The following INAFM2 variants were observed in gnomAD, a reference collection of about 807,000 sequenced individuals.
The protein encoded by INAFM2 is putative transmembrane protein INAFM2.
In INAFM2, 3 loss-of-function variants were observed where a neutral mutation model predicts 5.6. That is an observed-to-expected ratio of 0.54 (90% CI 0.24 to 1.39). The LOEUF (loss-of-function observed/expected upper bound fraction) is 1.39. Ranked by LOEUF, INAFM2 falls within the 40% of genes most tolerant of loss-of-function variation. The pLI is 0.16. For missense variants in INAFM2, 186 were observed against 217.5 expected, an observed-to-expected ratio of 0.86 and a Z score of 0.91; for synonymous variants, 113 against 109.1, an observed-to-expected ratio of 1.04 and a Z score of -0.22.
chr15:40,324,407 C>T lies in INAFM2; in HGVS notation c.352C>T (p.Pro118Ser), dbSNP rs1366253736. ...RDVPPLQAARPAPPEPPADSP... is the reference protein window; with the variant it reads ...RDVPPLQAARSAPPEPPADSP... Reference sequence around the variant, plus strand: ...CGTTCCCCCACTGCAGGCGGCGCGACCGGCGCCTCCGGAGCCCCCTGCGGA... The same window carrying T: ...CGTTCCCCCACTGCAGGCGGCGCGATCGGCGCCTCCGGAGCCCCCTGCGGA... Residue 118 changes from proline to serine, a missense_variant, in exon 1 of 1, where the codon CCG (proline) becomes TCG (serine). This residue lies in a region of INAFM2 where 148 missense variants were observed against 140.2 expected (regional missense o/e 1.06). Coordinates refer to ENST00000638170, the MANE Select transcript of INAFM2 (RefSeq NM_001301268.2). 1.5e-5 allele frequency: 18 copies of T among 1,222,814 alleles called. No individual in the cohort carries two copies. The highest frequency in any genetic ancestry group is 1.8e-5 in the Non-Finnish European group (18 of 982,142). 75.7% of individuals were successfully genotyped at this position (1,222,814 alleles called of 1,614,324 possible).
chr15:40,324,284 C>T lies in INAFM2; in HGVS notation c.229C>T (p.Pro77Ser). The change falls in exon 1 of 1, where the codon CCC becomes TCC. Residue 77 changes from proline (P) to serine (S), a missense_variant. Pro to Ser is a moderately conservative substitution (Grantham distance 74, BLOSUM62 -1). This residue lies in a region of INAFM2 where 148 missense variants were observed against 140.2 expected (regional missense o/e 1.06). Coordinates refer to ENST00000638170, the MANE Select transcript of INAFM2 (RefSeq NM_001301268.2). ...GTSGGAAGPP[P>S]GGSNATGPSG... ...CTCGGGGGGAGCCGCTGGCCCGCCCCCCGGCGGCTCCAACGCCACTGGCCC... is the reference window on the plus strand; with the variant it reads ...CTCGGGGGGAGCCGCTGGCCCGCCCTCCGGCGGCTCCAACGCCACTGGCCC... The T allele has an allele frequency of 8.1e-7, 1 of 1,228,678 alleles. No homozygotes were observed. The highest frequency in any genetic ancestry group is 1.0e-6 in the Non-Finnish European group (1 of 986,184). 76.1% of individuals were successfully genotyped at this position (1,228,678 alleles called of 1,614,324 possible). A position where few individuals can be genotyped will look rare whatever the true frequency, so the allele number is the denominator to read the frequency against.
Position 40,323,829 on chromosome 15 carries a change from C to T in INAFM2, c.-227C>T. ...GTGGCGGCGGCGGGGAAGCAGCTGACGGGCCGGCGGCGGCGGCGGCGCTGG... is the reference window on the plus strand; with the variant it reads ...GTGGCGGCGGCGGGGAAGCAGCTGATGGGCCGGCGGCGGCGGCGGCGCTGG... On this transcript the variant is annotated 5_prime_UTR_variant, in exon 1 of 1. The change creates a new upstream start codon in the 5' untranslated region. Transcript: ENST00000638170. The surrounding 1 kb of genome is among the most constrained non-coding windows in gnomAD (Gnocchi z 5.6). 1 of 149,440 alleles carries T rather than the reference C, an allele frequency of 6.7e-6. No individual in the cohort carries two copies. Among genetic ancestry groups the T allele is most frequent in the Non-Finnish European group, 1.5e-5 (1 of 68,116 alleles). The allele number at this position is 149,440 out of a possible 1,614,324, so 9.3% of individuals were successfully genotyped here.
At position 40,326,238 on chromosome 15, in the gene INAFM2, T is replaced by C. The variant is rs918014276; in HGVS notation, c.*1721T>C. ...TAGCAGCTGACTAGGACTTCAGTCATTGGGAAGCCTATGAGGCCTTTACAT... is the reference window on the plus strand; with the variant it reads ...TAGCAGCTGACTAGGACTTCAGTCACTGGGAAGCCTATGAGGCCTTTACAT... On this transcript the variant is annotated 3_prime_UTR_variant, in exon 1 of 1. Coordinates refer to ENST00000638170, the MANE Select transcript of INAFM2 (RefSeq NM_001301268.2). The C allele has an allele frequency of 2.6e-5, 4 of 152,238 alleles. No homozygotes were observed. The highest frequency in any genetic ancestry group is 9.6e-5 in the African/African-American group (4 of 41,456). 9.4% of individuals were successfully genotyped at this position (152,238 alleles called of 1,614,324 possible). A position where few individuals can be genotyped will look rare whatever the true frequency, so the allele number is the denominator to read the frequency against.
rs1179051835 is a variant in INAFM2, at chr15:40,323,735, CGCGCGGCGGCGTGGCGGCGGATG to C, written c.-319_-297del. 6.8e-6 allele frequency: 1 copy of C among 146,726 alleles called. No homozygotes were observed. Among genetic ancestry groups the C allele is most frequent in the African/African-American group, 2.5e-5 (1 of 40,748 alleles). 9.1% of individuals were successfully genotyped at this position (146,726 alleles called of 1,614,324 possible). On this transcript the variant is annotated 5_prime_UTR_variant, in exon 1 of 1. It removes an upstream start codon present in the reference 5' UTR. Transcript: ENST00000638170. This position sits in a 1 kb window ranked among gnomAD's most constrained non-coding sequence, Gnocchi z 5.6. ...GGCGGCCGGGCAGGCGGCGGCGGAG[CGCGCGGCGGCGTGGCGGCGGATG>C]GGGACGCGGAGCCGGGCGGCTGTGG...
Position 40,324,027 on chromosome 15 carries a change from A to T in INAFM2, c.-29A>T. 1 of 1,211,928 alleles carries T rather than the reference A, an allele frequency of 8.3e-7. No homozygotes were observed. The highest frequency in any genetic ancestry group is 1.0e-6 in the Non-Finnish European group (1 of 971,740). The allele number at this position is 1,211,928 out of a possible 1,614,324, so 75.1% of individuals were successfully genotyped here. A position where few individuals can be genotyped will look rare whatever the true frequency, so the allele number is the denominator to read the frequency against. On this transcript the variant is annotated 5_prime_UTR_variant, in exon 1 of 1. Coordinates refer to ENST00000638170, the MANE Select transcript of INAFM2 (RefSeq NM_001301268.2). ...AGGCCCCCTCCAGCCGGGGCCGTGG[A>T]GCACCGGGGCAAAGGCCGGGGCCCC...
rs2141241296 is a variant in INAFM2, at chr15:40,325,933, G to A, written c.*1416G>A. ...CTGCCATTTGCTTTTAGGCAATTGA[G>A]TGTGGGTAGTGATGAGATATCAAAT... On this transcript the variant is annotated 3_prime_UTR_variant, in exon 1 of 1. Coordinates refer to ENST00000638170, the MANE Select transcript of INAFM2 (RefSeq NM_001301268.2). 1 of 152,324 alleles carries A rather than the reference G, an allele frequency of 6.6e-6. No homozygotes were observed. Among genetic ancestry groups the A allele is most frequent in the South Asian group, 2.1e-4 (1 of 4,832 alleles). 9.4% of individuals were successfully genotyped at this position (152,324 alleles called of 1,614,324 possible).
At position 40,324,266 on chromosome 15, in the gene INAFM2, G is replaced by C; in HGVS notation, c.211G>C (p.Gly71Arg). Residue 71 changes from glycine (G) to arginine (R), a missense_variant, in exon 1 of 1, where the codon GGA becomes CGA. Around this residue, in one of 2 missense-constraint regions of INAFM2, gnomAD observed 148 missense variants for 140.2 expected, o/e 1.06. Transcript: ENST00000638170. ...GCCGGTGGGCGCCGGGACCTCGGGG[G>C]GAGCCGCTGGCCCGCCCCCCGGCGG... ...WQPVGAGTSG[G>R]AAGPPPGGSN... is the part of the protein sequence containing the mutation. 1 of 1,229,076 alleles carries C rather than the reference G, an allele frequency of 8.1e-7. No individual in the cohort carries two copies. The highest frequency in any genetic ancestry group is 3.2e-5 in the East Asian group (1 of 31,540). The allele number at this position is 1,229,076 out of a possible 1,614,324, so 76.1% of individuals were successfully genotyped here.
At position 40,324,256 on chromosome 15, in the gene INAFM2, G is replaced by C. The variant is rs1595707756; in HGVS notation, c.201G>C (p.Gly67=). 1.3e-5 allele frequency: 16 copies of C among 1,229,558 alleles called. No individual in the cohort carries two copies. Among genetic ancestry groups the C allele is most frequent in the Non-Finnish European group, 1.5e-5 (15 of 986,696 alleles). The allele number at this position is 1,229,558 out of a possible 1,614,324, so 76.2% of individuals were successfully genotyped here. Residue 67 remains glycine, a synonymous_variant, in exon 1 of 1, where the codon GGG becomes GGC. Coordinates refer to ENST00000638170, the MANE Select transcript of INAFM2 (RefSeq NM_001301268.2). ...TCATCTGGCAGCCGGTGGGCGCCGG[G>C]ACCTCGGGGGGAGCCGCTGGCCCGC... The part of the protein sequence containing the change: ...YSLIWQPVGA[G]TSGGAAGPPP...
At position 40,324,267 on chromosome 15, in the gene INAFM2, G is replaced by C. The variant is rs1340398090; in HGVS notation, c.212G>C (p.Gly71Ala). 7.3e-6 allele frequency: 9 copies of C among 1,228,332 alleles called. No individual in the cohort carries two copies. Among genetic ancestry groups the C allele is most frequent in the Non-Finnish European group, 9.1e-6 (9 of 986,236 alleles). The allele number at this position is 1,228,332 out of a possible 1,614,324, so 76.1% of individuals were successfully genotyped here. A position where few individuals can be genotyped will look rare whatever the true frequency, so the allele number is the denominator to read the frequency against. The change falls in exon 1 of 1, where the codon GGA becomes GCA. Residue 71 changes from glycine to alanine, a missense_variant. Coordinates refer to ENST00000638170, the MANE Select transcript of INAFM2 (RefSeq NM_001301268.2). The stretch of plus-strand genomic sequence containing the variant: ...CCGGTGGGCGCCGGGACCTCGGGGG[G>C]AGCCGCTGGCCCGCCCCCCGGCGGC... The part of the protein sequence containing the change: ...WQPVGAGTSG[G>A]AAGPPPGGSN...
rs1888767027 is a variant in INAFM2, at chr15:40,325,077, C to A, written c.*560C>A. 6.6e-6 allele frequency: 1 copy of A among 152,210 alleles called. No individual in the cohort carries two copies. Among genetic ancestry groups the A allele is most frequent in the African/African-American group, 2.4e-5 (1 of 41,436 alleles). The allele number at this position is 152,210 out of a possible 1,614,324, so 9.4% of individuals were successfully genotyped here. A position where few individuals can be genotyped will look rare whatever the true frequency, so the allele number is the denominator to read the frequency against. On this transcript the variant is annotated 3_prime_UTR_variant, in exon 1 of 1. Coordinates refer to ENST00000638170, the MANE Select transcript of INAFM2 (RefSeq NM_001301268.2). ...AGAATTCTATGTATATCCTCCCACA[C>A]CCTGGGTAGCTACTGACTGAAGGGG...
At position 40,324,827 on chromosome 15, in the gene INAFM2, G is replaced by A. The variant is rs1291315567; in HGVS notation, c.*310G>A. On this transcript the variant is annotated 3_prime_UTR_variant, in exon 1 of 1. Coordinates refer to ENST00000638170, the MANE Select transcript of INAFM2 (RefSeq NM_001301268.2). ...CAAACCCTTCTGCGCCGCTCGCTCT[G>A]GTGTATCCTACATGCAGGGGTGACT... 2.4e-5 allele frequency: 6 copies of A among 250,426 alleles called. No homozygotes were observed. The highest frequency in any genetic ancestry group is 4.5e-5 in the Non-Finnish European group (6 of 132,386). The allele number at this position is 250,426 out of a possible 1,614,324, so 15.5% of individuals were successfully genotyped here. A position where few individuals can be genotyped will look rare whatever the true frequency, so the allele number is the denominator to read the frequency against.
chr15:40,325,540 A>G lies in INAFM2; in HGVS notation c.*1023A>G, dbSNP rs940711549. 6 of 151,926 alleles carry G rather than the reference A, an allele frequency of 3.9e-5. No homozygotes were observed. The highest frequency in any genetic ancestry group is 1.5e-4 in the African/African-American group (6 of 41,334). 9.4% of individuals were successfully genotyped at this position (151,926 alleles called of 1,614,324 possible). ...CTTTTTTTTTTTCCTGCTCCTCAAA[A>G]TGTTGTCTTGTTCCGGCAATCACTT... is the stretch of plus-strand genomic sequence containing the variant. On this transcript the variant is annotated 3_prime_UTR_variant, in exon 1 of 1. Coordinates refer to ENST00000638170, the MANE Select transcript of INAFM2 (RefSeq NM_001301268.2).
rs1357187080 is a variant in INAFM2, at chr15:40,325,718, G to A, written c.*1201G>A. 1 of 152,206 alleles carries A rather than the reference G, an allele frequency of 6.6e-6. No homozygotes were observed. Among genetic ancestry groups the A allele is most frequent in the East Asian group, 1.9e-4 (1 of 5,204 alleles). 9.4% of individuals were successfully genotyped at this position (152,206 alleles called of 1,614,324 possible). A position where few individuals can be genotyped will look rare whatever the true frequency, so the allele number is the denominator to read the frequency against. Reference sequence around the variant, plus strand: ...GAAGGTGGGCTTCACACTCAGGATTGTGCTTTGAGAACCAGCTAATAGACC... The same window carrying A: ...GAAGGTGGGCTTCACACTCAGGATTATGCTTTGAGAACCAGCTAATAGACC... On this transcript the variant is annotated 3_prime_UTR_variant, in exon 1 of 1. Coordinates refer to ENST00000638170, the MANE Select transcript of INAFM2 (RefSeq NM_001301268.2).
In INAFM2 at chr15:40,323,722, G is replaced by A. The variant is rs1357275043; in HGVS notation, c.-334G>A. 2.0e-5 allele frequency: 3 copies of A among 148,164 alleles called. No individual in the cohort carries two copies. The highest frequency in any genetic ancestry group is 1.3e-4 in the Admixed American group (2 of 14,826). 9.2% of individuals were successfully genotyped at this position (148,164 alleles called of 1,614,324 possible). On this transcript the variant is annotated 5_prime_UTR_variant, in exon 1 of 1. Transcript: ENST00000638170. This position sits in a 1 kb window ranked among gnomAD's most constrained non-coding sequence, Gnocchi z 5.6. ...AGACCAGGCGGCCGGCGGCCGGGCAGGCGGCGGCGGAGCGCGCGGCGGCGT... is the reference window on the plus strand; with the variant it reads ...AGACCAGGCGGCCGGCGGCCGGGCAAGCGGCGGCGGAGCGCGCGGCGGCGT...
Position 40,324,357 on chromosome 15 carries a change from C to A in INAFM2, c.302C>A (p.Ser101Ter), listed in dbSNP as rs1158591187. 3 of 1,223,724 alleles carry A rather than the reference C, an allele frequency of 2.5e-6. No homozygotes were observed. Among genetic ancestry groups the A allele is most frequent in the Admixed American group, 8.6e-5 (2 of 23,376 alleles). 75.8% of individuals were successfully genotyped at this position (1,223,724 alleles called of 1,614,324 possible). A position where few individuals can be genotyped will look rare whatever the true frequency, so the allele number is the denominator to read the frequency against. Residue 101 changes from serine (S) to a stop codon, truncating the protein, a stop_gained, in exon 1 of 1, where the codon TCG (serine) becomes TAG (stop). Transcript: ENST00000638170. LOFTEE classifies it high-confidence loss of function. ...AAAAGPNTTG[S>*]SRREAPRDVP... ...GCGGCGGGGCCCAACACCACTGGGT[C>A]GTCCCGCCGCGAGGCGCCGCGCGAC...
rs571475341 is a variant in INAFM2 at position 40,324,261 on chromosome 15, C to T, written c.206C>T (p.Ser69Leu). The T allele has an allele frequency of 2.0e-4, 242 of 1,228,908 alleles. 2 individuals carry two copies. The African/African-American group carries it at 3.6e-3, about 18-fold the overall frequency. The allele number at this position is 1,228,908 out of a possible 1,614,324, so 76.1% of individuals were successfully genotyped here. A position where few individuals can be genotyped will look rare whatever the true frequency, so the allele number is the denominator to read the frequency against. Residue 69 changes from serine to leucine, a missense_variant, in exon 1 of 1, where the codon TCG becomes TTG. This residue lies in a region of INAFM2 where 148 missense variants were observed against 140.2 expected (regional missense o/e 1.06). Transcript: ENST00000638170. ...TGGCAGCCGGTGGGCGCCGGGACCT[C>T]GGGGGGAGCCGCTGGCCCGCCCCCC... ...LIWQPVGAGT[S>L]GGAAGPPPGG...
rs1024041428 is a variant in INAFM2 at position 40,325,091 on chromosome 15, T to A, written c.*574T>A. The stretch of plus-strand genomic sequence containing the variant: ...ATCCTCCCACACCCTGGGTAGCTAC[T>A]GACTGAAGGGGTCAAGCAAGGGCTA... On this transcript the variant is annotated 3_prime_UTR_variant, in exon 1 of 1. Transcript: ENST00000638170. The A allele has an allele frequency of 1.3e-5, 2 of 152,252 alleles. No individual in the cohort carries two copies. Among genetic ancestry groups the A allele is most frequent in the African/African-American group, 4.8e-5 (2 of 41,456 alleles). 9.4% of individuals were successfully genotyped at this position (152,252 alleles called of 1,614,324 possible).
In INAFM2 at chr15:40,326,552, C is replaced by T. The variant is rs143328798; in HGVS notation, c.*2035C>T. The stretch of plus-strand genomic sequence containing the variant: ...TGGCCTCCTGACTCTCCAAAGCCTT[C>T]ACTGGAATTGGGACATTTGCTCCAG... On this transcript the variant is annotated 3_prime_UTR_variant, in exon 1 of 1. Transcript: ENST00000638170. 176 of 152,334 alleles carry T rather than the reference C, an allele frequency of 1.2e-3. No homozygotes were observed. Among genetic ancestry groups the T allele is most frequent in the African/African-American group, 4.1e-3 (172 of 41,572 alleles). 9.4% of individuals were successfully genotyped at this position (152,334 alleles called of 1,614,324 possible).
chr15:40,325,547 C>G lies in INAFM2; in HGVS notation c.*1030C>G, dbSNP rs1404710168. 6.6e-6 allele frequency: 1 copy of G among 151,726 alleles called. No individual in the cohort carries two copies. The highest frequency in any genetic ancestry group is 2.4e-5 in the African/African-American group (1 of 41,212). 9.4% of individuals were successfully genotyped at this position (151,726 alleles called of 1,614,324 possible). ...TTTTTCCTGCTCCTCAAAATGTTGT[C>G]TTGTTCCGGCAATCACTTTTGCCTT... On this transcript the variant is annotated 3_prime_UTR_variant, in exon 1 of 1. Coordinates refer to ENST00000638170, the MANE Select transcript of INAFM2 (RefSeq NM_001301268.2).
Sources: gnomAD v4.1 joint callset for allele counts on GRCh38, gnomAD v4.1.1 for gene constraint, gnomAD v4.1.1 regional missense constraint, Gnocchi (gnomAD v3.1) non-coding constraint, MANE v1.5 for transcripts, NCBI Gene and HGNC (gene_info 2026-07-23, HGNC 2026-07-21) for gene names.